Variants in VPS8 observed in about 807,000 individuals in gnomAD.
VPS8 encodes vacuolar protein sorting-associated protein 8 homolog.
In VPS8, 129 loss-of-function variants were observed where a neutral mutation model predicts 216.4. That is an observed-to-expected ratio of 0.60 (90% CI 0.52 to 0.69). The LOEUF is 0.69. VPS8 is among the 30% of genes least tolerant of loss of function. The probability of loss-of-function intolerance (pLI) is 0.00; values close to 1 mark genes in which losing one functional copy is unlikely to be tolerated. For missense variants in VPS8, 1,531 were observed against 1,683.5 expected (o/e 0.91, Z 1.59); for synonymous variants, 571 against 565.4 (o/e 1.01, Z -0.14).
At chr3:184,910,715 C>T (rs537434673) in intron 25 of VPS8, among the ~76,000 whole-genome samples, 18 of 152,248 alleles carry the variant, frequency 1.2e-4, no homozygotes, top group East Asian at 1.2e-3. Flanking sequence ...TGATCGCCGC[C>T]GTGCCAGGAA....
intron 22 of VPS8, among the ~76,000 whole-genome samples, chr3:184,887,987 AC>A (rs1731597376): frequency 6.8e-6 from 1 of 146,560 alleles, no homozygotes; most frequent in African/African-American, 2.5e-5. Flanking sequence ...TGAGAACATT[AC>A]TTTTTTTTTT....
At chr3:184,911,567 G>A (rs951109930) in intron 25 of VPS8, among the ~76,000 whole-genome samples, 3 of 152,198 alleles carry the variant, frequency 2.0e-5, no homozygotes, top group Non-Finnish European at 4.4e-5. Context: ...AGGGAAAAGA[G>A]GAACAGTTAA....
Position 185,003,964 on chromosome 3 carries a change from G to A in VPS8, c.4002+4103G>A, listed in dbSNP as rs1168895314. 3.1e-4 allele frequency among the ~76,000 whole-genome samples: 47 copies of A among 151,754 alleles called. No individual in the cohort carries two copies. The East Asian group carries it at 8.0e-3, about 26-fold the overall frequency. The stretch of plus-strand genomic sequence containing the variant: ...GCTCCCCACATCTCAGACGATGGGC[G>A]GCCGGGCAGAGACGCTCCTCACTTC... On this transcript the variant is annotated intron_variant, in intron 45 of 47. Coordinates refer to ENST00000625842, the MANE Select transcript of VPS8 (RefSeq NM_001009921.3).
chr3:184,983,614 G>A (rs1285774018), intron 42 of VPS8, among the ~76,000 whole-genome samples: 1 of 152,018 alleles, frequency 6.6e-6, no homozygotes, highest in Admixed American at 6.5e-5. Flanking sequence ...CAACAAAAAA[G>A]CCTGAACCTT....
rs116608699 is a variant in VPS8, at chr3:184,908,324, G to C, written c.2147-5195G>C. ...GGTCCTTTGCCGGACTTGCAGCAGG[G>C]GCACCCTGTCTTCTTGGCCTGCTGC... is the stretch of plus-strand genomic sequence containing the variant. On this transcript the variant is annotated intron_variant, in intron 25 of 47. Transcript: ENST00000625842. Among the ~76,000 whole-genome samples, 953 of 152,296 alleles carry C rather than the reference G, an allele frequency of 6.3e-3. 8 individuals are homozygous for C. The highest frequency in any genetic ancestry group is 0.016 in the African/African-American group (672 of 41,564).
At chr3:184,888,068 A>G (rs567747935) in intron 22 of VPS8, among the ~76,000 whole-genome samples, 2 of 151,884 alleles carry the variant, frequency 1.3e-5, no homozygotes, top group Non-Finnish European at 2.9e-5. Context: ...GCTCACTGCA[A>G]GCTCTGCCTC....
chr3:185,032,163 T>TAA (rs112652782), intron 46 of VPS8, among the ~76,000 whole-genome samples: 10 of 148,204 alleles, frequency 6.7e-5, no homozygotes, highest in African/African-American at 2.5e-4. Flanking sequence ...GATTTTGTCT[T>TAA]AAAAAAAAAA....
chr3:184,865,996 A>C (rs929930847), intron 16 of VPS8, among the ~76,000 whole-genome samples: 1 of 151,960 alleles, frequency 6.6e-6, no homozygotes, highest in Non-Finnish European at 1.5e-5. Flanking sequence ...TTAAAAAAAA[A>C]AAAAAAGTTA....
chr3:184,858,992 C>T (rs2108709255), intron 14 of VPS8, among the ~76,000 whole-genome samples: 1 of 152,282 alleles, frequency 6.6e-6, no homozygotes, highest in East Asian at 1.9e-4. Context: ...TTGCTCTTGT[C>T]TGCAGCTGAC....
intron 36 of VPS8, among the ~76,000 whole-genome samples, chr3:184,950,709 C>A (rs1297548377): frequency 3.3e-5 from 5 of 151,892 alleles, no homozygotes; most frequent in Non-Finnish European, 5.9e-5. Context: ...CTCTAAGTTC[C>A]CTCCCCTCGC....
intron 45 of VPS8, among the ~76,000 whole-genome samples, chr3:185,009,470 G>A (rs1366757653): frequency 6.6e-6 from 1 of 152,024 alleles, no homozygotes; most frequent in Non-Finnish European, 1.5e-5. Flanking sequence ...ACTACTAGTG[G>A]GAATGCATAT....
At chr3:185,032,791 G>A (rs762377223) in intron 46 of VPS8, among the ~76,000 whole-genome samples, 2 of 151,858 alleles carry the variant, frequency 1.3e-5, no homozygotes, top group African/African-American at 2.4e-5. Flanking sequence ...TCAGCCTCCC[G>A]AGTAGTTGGG....
At chr3:184,821,367 G>A (rs1016260795) in intron 1 of VPS8, among the ~76,000 whole-genome samples, 5 of 151,074 alleles carry the variant, frequency 3.3e-5, no homozygotes, top group African/African-American at 1.2e-4. Context: ...TTTTAGAGAC[G>A]GAGTCTTGCT....
intron 20 of VPS8, 124 bp downstream of exon 20, chr3:184,869,652 C>A (rs965674826): frequency 1.1e-6 from 1 of 891,038 alleles, no homozygotes; most frequent in Non-Finnish European, 1.7e-6. Flanking sequence ...AAAAAACACA[C>A]ACACACACAG....
intron 34 of VPS8, among the ~76,000 whole-genome samples, chr3:184,935,646 G>T (rs998165539): frequency 1.3e-5 from 2 of 152,070 alleles, no homozygotes; most frequent in South Asian, 4.2e-4. Context: ...AAAAAGAAAA[G>T]GATAGTCAGT....
At chr3:184,850,301 T>C (rs1724006147) in intron 10 of VPS8, among the ~76,000 whole-genome samples, 1 of 152,176 alleles carries the variant, frequency 6.6e-6, no homozygotes, top group Non-Finnish European at 1.5e-5. Flanking sequence ...AAGGGCAAAT[T>C]GGTGTGTTGC....
intron 21 of VPS8, among the ~76,000 whole-genome samples, chr3:184,878,838 C>T (rs1024873443): frequency 6.6e-6 from 1 of 152,118 alleles, no homozygotes; most frequent in African/African-American, 2.4e-5. Flanking sequence ...GTATACCAAT[C>T]CTGGGGATAC....
intron 25 of VPS8, among the ~76,000 whole-genome samples, chr3:184,904,301 T>G (rs1282670486): frequency 2.0e-5 from 3 of 152,230 alleles, no homozygotes; most frequent in Non-Finnish European, 4.4e-5. Context: ...TTTGTTTTCC[T>G]GATATTAGGG....
intron 1 of VPS8, among the ~76,000 whole-genome samples, chr3:184,814,447 C>A (rs1715871097): frequency 6.6e-6 from 1 of 152,214 alleles, no homozygotes; most frequent in Non-Finnish European, 1.5e-5. Flanking sequence ...AGTGTACTTA[C>A]ACAAACCTAG....
Sources: gnomAD v4.1 joint callset for allele counts (sites outside exome capture counted in the v4.1 genomes callset) on GRCh38, gnomAD v4.1.1 for gene constraint, MANE v1.5 for transcripts, NCBI Gene and HGNC (gene_info 2026-07-23, HGNC 2026-07-21) for gene names.